Variants in AGAP1 observed in about 807,000 individuals in gnomAD.
The protein encoded by AGAP1 is ArfGAP with GTPase domain, ankyrin repeat and PH domain 1.
In AGAP1, 29 loss-of-function variants were observed where a neutral mutation model predicts 105.3. That is an observed-to-expected ratio of 0.28 (90% CI 0.21 to 0.38). The LOEUF is 0.38. Among genes scored for constraint, AGAP1 ranks in the 10% least tolerant of loss-of-function variants. AGAP1 has a pLI of 1.00. For synonymous variants in AGAP1, 509 were observed against 485.9 expected (o/e 1.05, Z -0.63); for missense variants, 998 against 1,165.1 (o/e 0.86, Z 2.09).
intron 13 of AGAP1, among the ~76,000 whole-genome samples, chr2:235,991,437 A>G (rs1211005631): frequency 2.0e-5 from 3 of 152,196 alleles, no homozygotes; most frequent in Non-Finnish European, 4.4e-5. Flanking sequence ...AAAAATGCAT[A>G]TCACTCTAAC....
At chr2:235,770,790 G>T (rs1955382812) in intron 6 of AGAP1, among the ~76,000 whole-genome samples, 1 of 152,128 alleles carries the variant, frequency 6.6e-6, no homozygotes. Flanking sequence ...AATGCTTCAG[G>T]AATGTCTGAC....
At chr2:235,806,540 G>A (rs574050582) in intron 8 of AGAP1, among the ~76,000 whole-genome samples, 32 of 152,256 alleles carry the variant, frequency 2.1e-4, no homozygotes, top group African/African-American at 6.3e-4. Context: ...GCCACTCGTC[G>A]TCCGCAGCAC....
intron 9 of AGAP1, among the ~76,000 whole-genome samples, chr2:235,871,434 G>A (rs2049433833): frequency 6.6e-6 from 1 of 152,104 alleles, no homozygotes; most frequent in South Asian, 2.1e-4. Flanking sequence ...GCCGGGAGGG[G>A]GCAGGTTGCT....
chr2:236,012,989 C>T lies in AGAP1; in HGVS notation c.1646-23572C>T, dbSNP rs147478750. 0.02 allele frequency among the ~76,000 whole-genome samples: 3,076 copies of T among 152,042 alleles called. 101 individuals carry two copies. Among genetic ancestry groups the T allele is most frequent in the African/African-American group, 0.069 (2,874 of 41,472 alleles). On this transcript the variant is annotated intron_variant, in intron 13 of 17. Transcript: ENST00000304032. This position sits in a 1 kb window ranked among gnomAD's most constrained non-coding sequence, Gnocchi z 4.9. Reference sequence around the variant, plus strand: ...TTCGAACTTCTGTCCTCAAGTGATCCGCCCACCTCAGCCTCCCAAAGTGCT... The same window carrying T: ...TTCGAACTTCTGTCCTCAAGTGATCTGCCCACCTCAGCCTCCCAAAGTGCT...
rs1429952014 is a variant in AGAP1, at chr2:235,845,501, A to G, written c.1051-37844A>G. On this transcript the variant is annotated intron_variant, in intron 9 of 17. Transcript: ENST00000304032. This position sits in a 1 kb window ranked among gnomAD's most constrained non-coding sequence, Gnocchi z 4.8. ...ACCCTGGGCTTCCTGAGGACACCCC[A>G]TTCTTAGCTGTGGGGTCACCACTAT... 6.6e-6 allele frequency among the ~76,000 whole-genome samples: 1 copy of G among 152,032 alleles called. No homozygotes were observed. Among genetic ancestry groups the G allele is most frequent in the Non-Finnish European group, 1.5e-5 (1 of 67,998 alleles).
chr2:235,921,904 G>C (rs778154098), intron 11 of AGAP1, among the ~76,000 whole-genome samples: 1 of 152,214 alleles, frequency 6.6e-6, no homozygotes, highest in Non-Finnish European at 1.5e-5. Context: ...ATACAGGAGC[G>C]AATGGGCCCC....
rs547613737 is a variant in AGAP1, at chr2:236,099,500, A to G, written c.2115-20692A>G. Among the ~76,000 whole-genome samples, 17 of 152,112 alleles carry G rather than the reference A, an allele frequency of 1.1e-4. 1 individual carries two copies. The highest frequency in any genetic ancestry group is 3.9e-4 in the East Asian group (2 of 5,150). ...TATGGTGCTTGGTTCTTAATTTTGC[A>G]GCATTCAGGACATTAAATAAGTCAT... On this transcript the variant is annotated intron_variant, in intron 16 of 17. Transcript: ENST00000304032.
At chr2:235,694,172 C>T (rs955214388) in intron 1 of AGAP1, among the ~76,000 whole-genome samples, 13 of 148,454 alleles carry the variant, frequency 8.8e-5, no homozygotes, top group African/African-American at 2.4e-4. Context: ...GGTGAAACCC[C>T]GCCTCTACTA....
At chr2:235,937,513 G>T (rs1478219131) in intron 12 of AGAP1, among the ~76,000 whole-genome samples, 1 of 152,152 alleles carries the variant, frequency 6.6e-6, no homozygotes, top group East Asian at 1.9e-4. Context: ...ACCGAACAGG[G>T]GCAGCACATT....
At chr2:236,115,805 TTTTTG>T (rs55996752) in intron 16 of AGAP1, among the ~76,000 whole-genome samples, 2 of 151,428 alleles carry the variant, frequency 1.3e-5, no homozygotes, top group Non-Finnish European at 2.9e-5. Context: ...AAAGCTTCTG[TTTTTG>T]TTTTGTTTTG....
At chr2:235,898,269 A>C (rs769505965) in intron 10 of AGAP1, among the ~76,000 whole-genome samples, 2 of 152,210 alleles carry the variant, frequency 1.3e-5, no homozygotes, top group Admixed American at 6.5e-5. Context: ...CTCAATAAGC[A>C]AAGGGAACGG....
rs1368868743 is a variant in AGAP1, at chr2:236,113,570, C to G, written c.2115-6622C>G. Among the ~76,000 whole-genome samples, 1 of 152,206 alleles carries G rather than the reference C, an allele frequency of 6.6e-6. No individual in the cohort carries two copies. The highest frequency in any genetic ancestry group is 1.9e-4 in the East Asian group (1 of 5,198). On this transcript the variant is annotated intron_variant, in intron 16 of 17. Transcript: ENST00000304032. The surrounding 1 kb of genome is among the most constrained non-coding windows in gnomAD (Gnocchi z 4.3). ...GGAGATTACACCTTGCCAGCTGAGT[C>G]ATGCAGTGGATTTGGCATGGCAGGC... is the stretch of plus-strand genomic sequence containing the variant.
intron 1 of AGAP1, chr2:235,669,997 G>A (rs1948289702): frequency 3.4e-6 from 1 of 290,960 alleles, no homozygotes; most frequent in Non-Finnish European, 6.3e-6. Context: ...GTCAGCGGGG[G>A]GCGTGGGCCA....
chr2:235,747,181 TG>T lies in AGAP1; in HGVS notation c.538+2344del. Among the ~76,000 whole-genome samples the T allele has an allele frequency of 6.6e-6, 1 of 152,246 alleles. No individual in the cohort carries two copies. Among genetic ancestry groups the T allele is most frequent in the Admixed American group, 6.5e-5 (1 of 15,290 alleles). ...CCCCACCCCCCACTGTCCCTGCCCC[TG>T]GAGGCAGCGTATCCCTCTGAGTCTC... On this transcript the variant is annotated intron_variant, in intron 5 of 17. Transcript: ENST00000304032. The surrounding 1 kb of genome is among the most constrained non-coding windows in gnomAD (Gnocchi z 5.0).
intron 6 of AGAP1, among the ~76,000 whole-genome samples, chr2:235,779,283 T>C (rs1185349470): frequency 6.6e-6 from 1 of 152,194 alleles, no homozygotes; most frequent in African/African-American, 2.4e-5. Flanking sequence ...CAAGATACAA[T>C]TCACACAGTC....
rs1946161389 is a variant in AGAP1 at position 235,612,482 on chromosome 2, G to A, written c.164-96697G>A. Among the ~76,000 whole-genome samples, 1 of 152,332 alleles carries A rather than the reference G, an allele frequency of 6.6e-6. No individual in the cohort carries two copies. Among genetic ancestry groups the A allele is most frequent in the Middle Eastern group, 3.4e-3 (1 of 294 alleles). Reference sequence around the variant, plus strand: ...TGCTGGGCCCTTCCAGATGATCTATGAATTGGTCTTTGCCTTTGTACTTAT... The same window carrying A: ...TGCTGGGCCCTTCCAGATGATCTATAAATTGGTCTTTGCCTTTGTACTTAT... On this transcript the variant is annotated intron_variant, in intron 1 of 17. Transcript: ENST00000304032. This position sits in a 1 kb window ranked among gnomAD's most constrained non-coding sequence, Gnocchi z 4.3.
chr2:235,971,266 T>A lies in AGAP1; in HGVS notation c.1645+2643T>A, dbSNP rs1486240898. Among the ~76,000 whole-genome samples the A allele has an allele frequency of 6.6e-6, 1 of 152,226 alleles. No homozygotes were observed. Among genetic ancestry groups the A allele is most frequent in the Non-Finnish European group, 1.5e-5 (1 of 68,050 alleles). On this transcript the variant is annotated intron_variant, in intron 13 of 17. Transcript: ENST00000304032. This position sits in a 1 kb window ranked among gnomAD's most constrained non-coding sequence, Gnocchi z 4.8. The stretch of plus-strand genomic sequence containing the variant: ...GTGAAAAAGTCTATATTTCATTTTT[T>A]CAAAGCCACATTTTCCCCCCAAATT...
intron 13 of AGAP1, among the ~76,000 whole-genome samples, chr2:236,024,995 CTG>C (rs2057006700): frequency 6.6e-6 from 1 of 152,356 alleles, no homozygotes; most frequent in Admixed American, 6.5e-5. Flanking sequence ...AGTACACCGT[CTG>C]TTACTTCAGG....
rs1457012659 is a variant in AGAP1 at position 236,113,760 on chromosome 2, A to C, written c.2115-6432A>C. 6.6e-6 allele frequency among the ~76,000 whole-genome samples: 1 copy of C among 151,938 alleles called. No homozygotes were observed. The highest frequency in any genetic ancestry group is 2.4e-5 in the African/African-American group (1 of 41,378). On this transcript the variant is annotated intron_variant, in intron 16 of 17. Coordinates refer to ENST00000304032, the MANE Select transcript of AGAP1 (RefSeq NM_001037131.3). The surrounding 1 kb of genome is among the most constrained non-coding windows in gnomAD (Gnocchi z 4.3). ...GTCTCCGAGCTGGCAGACCCCGAAA[A>C]ATCCAGAGGGTTCACGGCTCCTGCA...
Sources: gnomAD v4.1 joint callset for allele counts (sites outside exome capture counted in the v4.1 genomes callset) on GRCh38, gnomAD v4.1.1 for gene constraint, Gnocchi (gnomAD v3.1) non-coding constraint, MANE v1.5 for transcripts, NCBI Gene and HGNC (gene_info 2026-07-23, HGNC 2026-07-21) for gene names.